TCP11: variants seen among roughly 807,000 people sequenced by gnomAD.
TCP11 encodes T-complex protein 11 homolog.
A neutral mutation model predicts 45.0 loss-of-function variants in TCP11; 34 were observed. The ratio of observed to expected loss-of-function variants is 0.76; its 90% confidence interval spans 0.57 to 1.01. The LOEUF is 1.01. Among genes scored for constraint, TCP11 ranks in the 50% least tolerant of loss-of-function variants. The pLI, the probability that TCP11 is intolerant of heterozygous loss-of-function variation, is 0.00. For missense variants in TCP11, 523 were observed against 598.1 expected, an observed-to-expected ratio of 0.87 and a Z score of 1.31; for synonymous variants, 227 against 227.0, an observed-to-expected ratio of 1.00 and a Z score of 0.00.
At chr6:35,129,899 T>C (rs2127667784) in intron 3 of TCP11, among the ~76,000 whole-genome samples, 1 of 152,284 alleles carries the variant, frequency 6.6e-6, no homozygotes, top group Middle Eastern at 3.4e-3. Flanking sequence ...CCCTGCCTCC[T>C]GAGTAGCTGG....
At chr6:35,125,157 C>T (rs1483385440) in intron 4 of TCP11, among the ~76,000 whole-genome samples, 1 of 144,442 alleles carries the variant, frequency 6.9e-6, no homozygotes, top group East Asian at 2.0e-4. Context: ...GCACTACAGC[C>T]TGGGTGACAG....
At chr6:35,124,350 C>T (rs1455753277) in intron 4 of TCP11, among the ~76,000 whole-genome samples, 1 of 152,148 alleles carries the variant, frequency 6.6e-6, no homozygotes, top group African/African-American at 2.4e-5. Context: ...GGGTGCTGTA[C>T]AGAATGTCTT....
Position 35,120,041 on chromosome 6 carries a change from A to G in TCP11, c.1115+118T>C. 7.8e-7 allele frequency: 1 copy of G among 1,279,450 alleles called. No homozygotes were observed. The highest frequency in any genetic ancestry group is 1.1e-6 in the Non-Finnish European group (1 of 942,850). 79.3% of individuals were successfully genotyped at this position (1,279,450 alleles called of 1,614,324 possible). ...GGAAAGAAACCAACAATCTTTGTAG[A>G]TGGTTCCACAGGGCCTTTCTGTGGT... On this transcript the variant is annotated intron_variant, in intron 8 of 9. Transcript: ENST00000311875. The surrounding 1 kb of genome is among the most constrained non-coding windows in gnomAD (Gnocchi z 4.9).
chr6:35,124,710 TCAA>T (rs1388252010), intron 4 of TCP11, among the ~76,000 whole-genome samples: 3 of 152,194 alleles, frequency 2.0e-5, no homozygotes, highest in African/African-American at 7.2e-5. Context: ...CAAATGATTT[TCAA>T]CAACAATGCC....
chr6:35,120,837 A>ACT lies in TCP11; in HGVS notation c.715+70_715+71dup, dbSNP rs1779152464. On this transcript the variant is annotated intron_variant, in intron 6 of 9. Transcript: ENST00000311875. The surrounding 1 kb of genome is among the most constrained non-coding windows in gnomAD (Gnocchi z 4.9). ...TTCTATTCCTAAAAAGAGATAGAGT[A>ACT]CTCTCTAACATTATAAAAGTCAGAC... 1.7e-5 allele frequency: 25 copies of ACT among 1,513,894 alleles called. No homozygotes were observed. The South Asian group carries it at 2.9e-4, about 17-fold the overall frequency. The allele number at this position is 1,513,894 out of a possible 1,614,324, so 93.8% of individuals were successfully genotyped here.
At chr6:35,133,071 C>T (rs1042322477) in intron 3 of TCP11, among the ~76,000 whole-genome samples, 8 of 152,134 alleles carry the variant, frequency 5.3e-5, no homozygotes, top group Admixed American at 3.3e-4. Context: ...CATTTAAGGA[C>T]GCAAATGAAT....
intron 3 of TCP11, among the ~76,000 whole-genome samples, chr6:35,134,003 G>A (rs1396143769): frequency 6.6e-6 from 1 of 151,722 alleles, no homozygotes; most frequent in Non-Finnish European, 1.5e-5. Flanking sequence ...GAAGCTGGGG[G>A]AAAAAAAATC....
intron 4 of TCP11, among the ~76,000 whole-genome samples, chr6:35,126,930 T>C (rs1779893833): frequency 6.6e-6 from 1 of 152,072 alleles, no homozygotes; most frequent in South Asian, 2.1e-4. Context: ...AGTGTTGAGA[T>C]TACAGGTGTG....
At chr6:35,119,492 GA>G in intron 8 of TCP11, 101 bp from the exon 9 acceptor site, 1 of 1,428,902 alleles carries the variant, frequency 7.0e-7, no homozygotes, top group South Asian at 1.3e-5. Flanking sequence ...ACTTGAGGGA[GA>G]ATGTCAGCCA....
In TCP11 at chr6:35,140,775, G is replaced by T; in HGVS notation, c.96C>A (p.Asp32Glu). Residue 32 changes from aspartate (D) to glutamate (E), a missense_variant, in exon 2 of 10, where the codon GAC becomes GAA. Around this residue, in one of 2 missense-constraint regions of TCP11, gnomAD observed 225 missense variants for 210.2 expected, o/e 1.07. Coordinates refer to ENST00000311875, the MANE Select transcript of TCP11 (RefSeq NM_001370687.1). ...KPETSGPPQE[D>E]KSGSEDPPPF... ...GAGGGGGGTCCTCGGAGCCGCTCTT[G>T]TCTTCCTGGGGGGGTCCTGAGGTTT... The T allele has an allele frequency of 2.0e-6, 3 of 1,530,456 alleles. No homozygotes were observed. Among genetic ancestry groups the T allele is most frequent in the Non-Finnish European group, 2.6e-6 (3 of 1,143,628 alleles). The allele number at this position is 1,530,456 out of a possible 1,614,324, so 94.8% of individuals were successfully genotyped here. A position where few individuals can be genotyped will look rare whatever the true frequency, so the allele number is the denominator to read the frequency against.
At chr6:35,124,211 G>A (rs1400222282) in intron 4 of TCP11, among the ~76,000 whole-genome samples, 1 of 152,184 alleles carries the variant, frequency 6.6e-6, no homozygotes, top group African/African-American at 2.4e-5. Context: ...GTGGGGGATG[G>A]GGGAGTGCTA....
Position 35,141,262 on chromosome 6 carries a change from TG to T in TCP11, c.-73del. On this transcript the variant is annotated 5_prime_UTR_variant, in exon 1 of 10. Coordinates refer to ENST00000311875, the MANE Select transcript of TCP11 (RefSeq NM_001370687.1). ...CGTCCGCTCGGTGGGCCTCGCGGCCTGGCGGCCTGGAGCGTACCACCGCGGC... is the reference window on the plus strand; with the variant it reads ...CGTCCGCTCGGTGGGCCTCGCGGCCTGCGGCCTGGAGCGTACCACCGCGGC... The T allele has an allele frequency of 5.3e-6, 1 of 188,054 alleles. No individual in the cohort carries two copies. Among genetic ancestry groups the T allele is most frequent in the Non-Finnish European group, 9.6e-6 (1 of 104,434 alleles). 11.6% of individuals were successfully genotyped at this position (188,054 alleles called of 1,614,324 possible). A position where few individuals can be genotyped will look rare whatever the true frequency, so the allele number is the denominator to read the frequency against.
intron 3 of TCP11, among the ~76,000 whole-genome samples, chr6:35,132,690 T>C (rs1201538637): frequency 1.3e-5 from 2 of 152,214 alleles, no homozygotes; most frequent in African/African-American, 4.8e-5. Flanking sequence ...GACATAATTT[T>C]TTATATCACC....
intron 2 of TCP11, chr6:35,140,066 C>A: frequency 1.2e-6 from 2 of 1,613,992 alleles, no homozygotes; most frequent in Non-Finnish European, 1.7e-6. Flanking sequence ...CCTTTTGGTG[C>A]CATTCAGTTA....
At chr6:35,121,123 A>C in intron 5 of TCP11, 78 bp from the exon 6 acceptor site, 1 of 1,470,402 alleles carries the variant, frequency 6.8e-7, no homozygotes, top group Non-Finnish European at 9.1e-7. Flanking sequence ...ACTGTATTTT[A>C]GAGTTAGGAG....
Position 35,120,253 on chromosome 6 carries a change from T to C in TCP11, c.1021A>G (p.Ser341Gly). Residue 341 changes from serine (S) to glycine (G), a missense_variant, in exon 8 of 10, where the codon AGT becomes GGT. Ser to Gly is a moderately conservative substitution (Grantham distance 56, BLOSUM62 0). Around this residue, in one of 2 missense-constraint regions of TCP11, gnomAD observed 298 missense variants for 387.9 expected, o/e 0.77. Transcript: ENST00000311875. This position sits in a 1 kb window ranked among gnomAD's most constrained non-coding sequence, Gnocchi z 4.9. ...AACAAAACACTGCCGGAGAAACTACTGGCCACCAGCAAGACTGAGGCCATG... is the reference window on the plus strand; with the variant it reads ...AACAAAACACTGCCGGAGAAACTACCGGCCACCAGCAAGACTGAGGCCATG... Reference protein sequence around the residue: ...TVMASVLLVASSFSGSVLFGS... With the variant: ...TVMASVLLVAGSFSGSVLFGS... 6.2e-7 allele frequency: 1 copy of C among 1,614,246 alleles called. No individual in the cohort carries two copies. The highest frequency in any genetic ancestry group is 8.5e-7 in the Non-Finnish European group (1 of 1,180,040).
chr6:35,123,039 G>A (rs982481890), intron 4 of TCP11, among the ~76,000 whole-genome samples: 1 of 152,090 alleles, frequency 6.6e-6, no homozygotes, highest in Non-Finnish European at 1.5e-5. Context: ...TGCAAAAACG[G>A]AGCTGGGCCC....
intron 3 of TCP11, 92 bp from the exon 4 acceptor site, chr6:35,129,274 G>A: frequency 6.9e-7 from 1 of 1,453,748 alleles, no homozygotes; most frequent in Non-Finnish European, 9.2e-7. Flanking sequence ...ATTTGATATG[G>A]TAAAAGGCCA....
chr6:35,128,373 C>G (rs1311382229), intron 4 of TCP11: 1 of 152,252 alleles, frequency 6.6e-6, no homozygotes, highest in African/African-American at 2.4e-5. Context: ...CACAACACAG[C>G]TGTTTGCTTC....
Sources: gnomAD v4.1 joint callset for allele counts (sites outside exome capture counted in the v4.1 genomes callset) on GRCh38, gnomAD v4.1.1 for gene constraint, gnomAD v4.1.1 regional missense constraint, Gnocchi (gnomAD v3.1) non-coding constraint, MANE v1.5 for transcripts, NCBI Gene and HGNC (gene_info 2026-07-23, HGNC 2026-07-21) for gene names.